Variants in PPP1CB observed in about 807,000 individuals in gnomAD.
The protein encoded by PPP1CB is serine/threonine-protein phosphatase PP1-beta catalytic subunit.
In PPP1CB, 2 loss-of-function variants were observed where a neutral mutation model predicts 43.7. That is an observed-to-expected ratio of 0.05 (90% CI 0.02 to 0.14). The LOEUF (loss-of-function observed/expected upper bound fraction) is 0.14, where lower values mean the gene tolerates loss of function less well. Ranked by LOEUF, PPP1CB falls within the 10% of genes least tolerant of loss-of-function variation. The pLI is 1.00. For missense variants in PPP1CB, 84 were observed against 398.0 expected (o/e 0.21, Z 6.71); for synonymous variants, 136 against 135.6 (o/e 1.00, Z -0.02).
intron 6 of PPP1CB, among the ~76,000 whole-genome samples, chr2:28,791,564 G>T (rs1448535520): frequency 6.6e-6 from 1 of 151,976 alleles, no homozygotes; most frequent in Non-Finnish European, 1.5e-5. Flanking sequence ...TCCTGACCTC[G>T]TGATCTGCCC....
intron 1 of PPP1CB, among the ~76,000 whole-genome samples, chr2:28,759,317 A>G (rs1666583350): frequency 6.6e-6 from 1 of 152,106 alleles, no homozygotes; most frequent in South Asian, 2.1e-4. Flanking sequence ...GGAGTTCGAG[A>G]CCAGCCTGGC....
intron 1 of PPP1CB, among the ~76,000 whole-genome samples, chr2:28,757,331 A>G (rs1333703276): frequency 2.6e-5 from 4 of 152,154 alleles, no homozygotes; most frequent in Admixed American, 2.0e-4. Context: ...TAGTGCTGCT[A>G]TCAACATTTG....
At chr2:28,770,223 G>A (rs995027991) in intron 1 of PPP1CB, among the ~76,000 whole-genome samples, 21 of 152,034 alleles carry the variant, frequency 1.4e-4, no homozygotes, top group Non-Finnish European at 2.6e-4. Context: ...AGATCATGCC[G>A]CTGCACTCCA....
intron 1 of PPP1CB, 149 bp from the exon 2 acceptor site, chr2:28,776,702 G>A (rs1255087906): frequency 3.4e-6 from 2 of 583,602 alleles, no homozygotes; most frequent in Non-Finnish European, 5.8e-6. Flanking sequence ...AGAGATCATA[G>A]AATAACATTA....
chr2:28,785,531 G>A (rs1003437806), intron 5 of PPP1CB, among the ~76,000 whole-genome samples: 3 of 151,772 alleles, frequency 2.0e-5, no homozygotes, highest in Admixed American at 1.3e-4. Context: ...CTGTTTTTAG[G>A]CCTGGTGCAC....
chr2:28,781,150 T>G (rs1466270984), intron 3 of PPP1CB, among the ~76,000 whole-genome samples: 2 of 152,164 alleles, frequency 1.3e-5, no homozygotes, highest in Non-Finnish European at 2.9e-5. Flanking sequence ...AAAAATTGTT[T>G]GATGTATTTC....
intron 6 of PPP1CB, among the ~76,000 whole-genome samples, chr2:28,791,461 G>A (rs931994904): frequency 3.9e-5 from 6 of 151,982 alleles, no homozygotes; most frequent in African/African-American, 1.5e-4. Flanking sequence ...CTCCCGAGTA[G>A]CTGGGACTAC....
At chr2:28,793,256 G>A (rs549620610) in intron 6 of PPP1CB, among the ~76,000 whole-genome samples, 1 of 152,220 alleles carries the variant, frequency 6.6e-6, no homozygotes, top group African/African-American at 2.4e-5. Flanking sequence ...GTTAATTTAA[G>A]GAGCATGATC....
Position 28,800,255 on chromosome 2 carries a change from G to GT in PPP1CB, c.*954dup, listed in dbSNP as rs1667586827. 1 of 45,120 alleles carries GT rather than the reference G, an allele frequency of 2.2e-5. No individual in the cohort carries two copies. Among genetic ancestry groups the GT allele is most frequent in the African/African-American group, 8.7e-5 (1 of 11,478 alleles). The allele number at this position is 45,120 out of a possible 1,614,324, so 2.8% of individuals were successfully genotyped here. ...TTTTTTTTTTTTTTTTTTTTGAGTT[G>GT]TTGTTTGTTTTTAGATCCACAGTAC... On this transcript the variant is annotated 3_prime_UTR_variant, in exon 8 of 8. Transcript: ENST00000395366.
chr2:28,782,079 A>G (rs1667166766), intron 4 of PPP1CB: 3 of 465,950 alleles, frequency 6.4e-6, no homozygotes, highest in Middle Eastern at 6.1e-4. Context: ...GAGTTGTTTG[A>G]GAAAGTCTCC....
intron 1 of PPP1CB, among the ~76,000 whole-genome samples, chr2:28,765,255 C>G (rs1336431778): frequency 6.6e-6 from 1 of 152,158 alleles, no homozygotes; most frequent in East Asian, 1.9e-4. Flanking sequence ...TCTCTGTCAT[C>G]AAAACTGATT....
intron 6 of PPP1CB, among the ~76,000 whole-genome samples, chr2:28,791,719 C>T (rs76218202): frequency 0.021 from 3,173 of 152,212 alleles, 51 homozygotes; most frequent in Non-Finnish European, 0.034. Context: ...GCTAAGTTTC[C>T]TAACTAAAAT....
rs560501002 is a variant in PPP1CB at position 28,761,382 on chromosome 2, A to G, written c.52+9206A>G. ...CTCAAATATTAATAAGTATTGATAC[A>G]TTGGGATGCCATCTTATATAATGAT... On this transcript the variant is annotated intron_variant, in intron 1 of 7. Coordinates refer to ENST00000395366, the MANE Select transcript of PPP1CB (RefSeq NM_002709.3). Among the ~76,000 whole-genome samples, 10 of 152,368 alleles carry G rather than the reference A, an allele frequency of 6.6e-5. No homozygotes were observed. The South Asian group carries it at 1.9e-3, about 28-fold the overall frequency.
intron 5 of PPP1CB, among the ~76,000 whole-genome samples, chr2:28,786,212 C>G (rs1667263055): frequency 6.6e-6 from 1 of 152,188 alleles, no homozygotes; most frequent in South Asian, 2.1e-4. Flanking sequence ...CTCCCAGGTT[C>G]AAGCAGTTCT....
intron 1 of PPP1CB, among the ~76,000 whole-genome samples, chr2:28,772,533 T>C (rs918709289): frequency 3.9e-5 from 6 of 152,242 alleles, no homozygotes; most frequent in African/African-American, 1.2e-4. Flanking sequence ...GCAGTTCTAC[T>C]GCTTTGTTCT....
intron 4 of PPP1CB, chr2:28,782,804 T>C (rs1474894092): frequency 6.6e-6 from 1 of 152,224 alleles, no homozygotes; most frequent in East Asian, 1.9e-4. Flanking sequence ...TTCATCAATA[T>C]ACGGGAAGAA....
chr2:28,782,414 G>A (rs1572461256), intron 4 of PPP1CB: 1 of 152,860 alleles, frequency 6.5e-6, no homozygotes, highest in Non-Finnish European at 1.5e-5. Context: ...ATCTTGAAGA[G>A]TTAAAAACCT....
chr2:28,788,275 GAAA>G (rs34205614), intron 5 of PPP1CB, among the ~76,000 whole-genome samples: 62,219 of 151,818 alleles, frequency 0.41, 13,616 homozygotes, highest in Middle Eastern at 0.51. Context: ...GTGGTGCTCA[GAAA>G]CAGTGGAACC....
At chr2:28,792,361 A>G (rs1264403796) in intron 6 of PPP1CB, among the ~76,000 whole-genome samples, 1 of 152,018 alleles carries the variant, frequency 6.6e-6, no homozygotes, top group Non-Finnish European at 1.5e-5. Flanking sequence ...AAGAAAAGAA[A>G]TACAAAAAAA....
Sources: allele counts gnomAD v4.1 joint callset (sites outside exome capture counted in the v4.1 genomes callset), GRCh38; gene constraint gnomAD v4.1.1; transcripts MANE v1.5; gene names NCBI Gene and HGNC (gene_info 2026-07-23, HGNC 2026-07-21).